The following TUBB6 variants were observed in gnomAD, a reference collection of about 807,000 sequenced individuals.
TUBB6 encodes tubulin beta 6 class V.
A neutral mutation model predicts 32.3 loss-of-function variants in TUBB6; 18 were observed. The observed-to-expected ratio is 0.56, with a 90% CI of 0.39 to 0.83. The LOEUF is 0.83. Among genes scored for constraint, TUBB6 ranks in the 40% least tolerant of loss-of-function variants. The pLI, the probability that TUBB6 is intolerant of heterozygous loss-of-function variation, is 0.00. For missense variants in TUBB6, 480 were observed against 632.0 expected (o/e 0.76, Z 2.58); for synonymous variants, 280 against 265.8 (o/e 1.05, Z -0.52).
At chr18:12,309,200 G>A (rs1026552497) in intron 2 of TUBB6, among the ~76,000 whole-genome samples, 1 of 63,352 alleles carries the variant, frequency 1.6e-5, no homozygotes, top group Non-Finnish European at 3.1e-5. Context: ...CTCCCGCCCC[G>A]ATCTCTACAA....
rs748329378 is a variant in TUBB6 at position 12,325,674 on chromosome 18, C to G, written c.885C>G (p.Asp295Glu). ...TVPELTQQMF[D>E]ARNMMAACDP... Reference sequence around the variant, plus strand: ...CCGAGCTCACCCAGCAGATGTTCGACGCCAGGAACATGATGGCCGCCTGCG... The same window carrying G: ...CCGAGCTCACCCAGCAGATGTTCGAGGCCAGGAACATGATGGCCGCCTGCG... Residue 295 changes from aspartate to glutamate, a missense_variant, in exon 4 of 4, where the codon GAC becomes GAG. By Grantham distance (45) the Asp-to-Glu change is conservative. Coordinates refer to ENST00000317702, the MANE Select transcript of TUBB6 (RefSeq NM_032525.3). 5.0e-6 allele frequency: 8 copies of G among 1,613,986 alleles called. No individual in the cohort carries two copies. Among genetic ancestry groups the G allele is most frequent in the Admixed American group, 1.7e-5 (1 of 59,994 alleles).
intron 3 of TUBB6, among the ~76,000 whole-genome samples, chr18:12,311,368 C>T (rs981820122): frequency 4.6e-5 from 7 of 152,120 alleles, no homozygotes; most frequent in Non-Finnish European, 7.4e-5. Context: ...GAGGCCAAGA[C>T]GAGCGGATCA....
chr18:12,311,279 CTTCTACTGGTAG>C, intron 3 of TUBB6: 1 of 399,674 alleles, frequency 2.5e-6, no homozygotes, highest in Non-Finnish European at 4.5e-6. Context: ...AAATGAAATT[CTTCTACTGGTAG>C]TTCTTGATTA....
At chr18:12,308,986 C>T (rs1462958716) in intron 2 of TUBB6, among the ~76,000 whole-genome samples, 191 bp downstream of exon 2, 2 of 152,202 alleles carry the variant, frequency 1.3e-5, no homozygotes, top group Non-Finnish European at 2.9e-5. Flanking sequence ...TTCAGCCTAT[C>T]CTGAGGGTCT....
At position 12,326,106 on chromosome 18, in the gene TUBB6, T is replaced by C. The variant is rs774957808; in HGVS notation, c.1317T>C (p.Asp439=). The stretch of plus-strand genomic sequence containing the variant: ...ATGACGGGGAGGAAGCTTTTGAGGA[T>C]GAGGAAGAGGAGATCGATGGATAGT... ...TANDGEEAFE[D]EEEEIDG Residue 439 remains aspartate, a synonymous_variant, in exon 4 of 4, where the codon GAT becomes GAC. Coordinates refer to ENST00000317702, the MANE Select transcript of TUBB6 (RefSeq NM_032525.3). The C allele has an allele frequency of 4.6e-5, 74 of 1,613,658 alleles. No homozygotes were observed. Among genetic ancestry groups the C allele is most frequent in the Non-Finnish European group, 6.1e-5 (72 of 1,179,850 alleles).
rs1568127765 is a variant in TUBB6, at chr18:12,325,541, G to A, written c.752G>A (p.Arg251His). 1.9e-6 allele frequency: 3 copies of A among 1,614,194 alleles called. No homozygotes were observed. The highest frequency in any genetic ancestry group is 1.7e-6 in the Non-Finnish European group (2 of 1,180,042). ...CCGGGCCAGCTCAATGCTGACCTGC[G>A]CAAGCTGGCGGTGAACATGGTGCCC... is the stretch of plus-strand genomic sequence containing the variant. ...RFPGQLNADL[R>H]KLAVNMVPFP... The change falls in exon 4 of 4, where the codon CGC becomes CAC. Residue 251 changes from arginine to histidine, a missense_variant. By Grantham distance (29) the Arg-to-His change is conservative. Transcript: ENST00000317702.
intron 3 of TUBB6, among the ~76,000 whole-genome samples, chr18:12,323,256 C>T (rs1210647483): frequency 1.3e-5 from 2 of 152,060 alleles, no homozygotes; most frequent in African/African-American, 4.8e-5. Context: ...GTATGAAAGC[C>T]ATTGCATTAT....
chr18:12,308,262 AGCCAGTTC>A lies in TUBB6; in HGVS notation c.-30_-23del. The A allele has an allele frequency of 7.1e-7, 1 of 1,412,830 alleles. No individual in the cohort carries two copies. 87.5% of individuals were successfully genotyped at this position (1,412,830 alleles called of 1,614,324 possible). ...CCGCAGTTGCCGCTGTCGTCCGCAG[AGCCAGTTC>A]CTAGCGCAGAGCCGCGCCCGCCATG... is the stretch of plus-strand genomic sequence containing the variant. On this transcript the variant is annotated 5_prime_UTR_variant, in exon 1 of 4. Coordinates refer to ENST00000317702, the MANE Select transcript of TUBB6 (RefSeq NM_032525.3).
At chr18:12,329,824 A>T (rs933504920), downstream of TUBB6, 3 of 1,532,574 alleles carry the variant, frequency 2.0e-6, no homozygotes, top group Non-Finnish European at 2.7e-6. Context: ...GTTACTCAGC[A>T]AAGTCTATTC....
intron 3 of TUBB6, among the ~76,000 whole-genome samples, chr18:12,321,202 TTA>T (rs2045717261): frequency 6.6e-6 from 1 of 152,234 alleles, no homozygotes; most frequent in South Asian, 2.1e-4. Context: ...AGGGTATCCT[TTA>T]TATGTGATAT....
chr18:12,312,582 G>C (rs746681244), intron 3 of TUBB6, among the ~76,000 whole-genome samples: 10 of 152,110 alleles, frequency 6.6e-5, no homozygotes, highest in Non-Finnish European at 1.5e-4. Flanking sequence ...AACATCCCAG[G>C]AATGCAAGGA....
chr18:12,328,977 T>C (rs1431736034), downstream of TUBB6: 17 of 575,860 alleles, frequency 3.0e-5, no homozygotes, highest in Non-Finnish European at 4.9e-5. Flanking sequence ...GACATTTTAT[T>C]TTTTATGTAA....
intron 3 of TUBB6, among the ~76,000 whole-genome samples, chr18:12,320,023 C>T (rs897809723): frequency 1.8e-4 from 27 of 152,024 alleles, no homozygotes; most frequent in African/African-American, 5.8e-4. Flanking sequence ...CTCCTGACCT[C>T]GTGATCCACC....
chr18:12,323,947 T>C (rs1002346239), intron 3 of TUBB6, among the ~76,000 whole-genome samples: 7 of 152,244 alleles, frequency 4.6e-5, no homozygotes, highest in Non-Finnish European at 7.3e-5. Flanking sequence ...AGGGCAGGAA[T>C]TACTTCCTGT....
At position 12,326,006 on chromosome 18, in the gene TUBB6, T is replaced by TG. The variant is rs754383853; in HGVS notation, c.1219dup (p.Glu407GlyfsTer26). The TG allele has an allele frequency of 1.9e-6, 3 of 1,613,934 alleles. No individual in the cohort carries two copies. The highest frequency in any genetic ancestry group is 1.3e-5 in the African/African-American group (1 of 74,896). ...TTCACGGGTGAGGGCATGGATGAAATGGAGTTCACCGAGGCGGAGAGCAAC... is the reference window on the plus strand; with the variant it reads ...TTCACGGGTGAGGGCATGGATGAAATGGGAGTTCACCGAGGCGGAGAGCAAC... On this transcript the variant is annotated frameshift_variant, in exon 4 of 4. Coordinates refer to ENST00000317702, the MANE Select transcript of TUBB6 (RefSeq NM_032525.3). LOFTEE classifies it high-confidence loss of function.
In TUBB6 at chr18:12,308,342, G is replaced by T; in HGVS notation, c.50G>T (p.Gly17Val). 6.8e-7 allele frequency: 1 copy of T among 1,476,560 alleles called. No homozygotes were observed. The highest frequency in any genetic ancestry group is 9.0e-7 in the Non-Finnish European group (1 of 1,109,426). 91.5% of individuals were successfully genotyped at this position (1,476,560 alleles called of 1,614,324 possible). The change falls in exon 1 of 4, where the codon GGC becomes GTC. Residue 17 changes from glycine to valine, a missense_variant. Transcript: ENST00000317702. ...IQAGQCGNQI[G>V]TKFWEVISDE... ...GCGGGCCAGTGCGGGAACCAGATCG[G>T]CACCAAGGTGGGCCTGGCGCGGTGC...
chr18:12,313,422 G>T (rs986645886), intron 3 of TUBB6, among the ~76,000 whole-genome samples: 1 of 152,150 alleles, frequency 6.6e-6, no homozygotes, highest in African/African-American at 2.4e-5. Flanking sequence ...ATAGTTTTGC[G>T]ATCAGGTTAC....
chr18:12,325,121 A>AGCTGGTGGACGCAGT lies in TUBB6; in HGVS notation c.338_352dup (p.Val113_Leu117dup). 1 of 1,604,238 alleles carries AGCTGGTGGACGCAGT rather than the reference A, an allele frequency of 6.2e-7. No individual in the cohort carries two copies. The highest frequency in any genetic ancestry group is 8.5e-7 in the Non-Finnish European group (1 of 1,173,784). On this transcript the variant is annotated inframe_insertion, in exon 4 of 4. Coordinates refer to ENST00000317702, the MANE Select transcript of TUBB6 (RefSeq NM_032525.3). ...AAAGGGCACTACACGGAGGGCGCGG[A>AGCTGGTGGACGCAGT]GCTGGTGGACGCAGTGCTGGACGTG...
chr18:12,325,944 C>G lies in TUBB6; in HGVS notation c.1155C>G (p.Phe385Leu), dbSNP rs746566101. The G allele has an allele frequency of 9.9e-6, 16 of 1,614,096 alleles. No individual in the cohort carries two copies. The highest frequency in any genetic ancestry group is 1.4e-5 in the Non-Finnish European group (16 of 1,180,048). Residue 385 changes from phenylalanine to leucine, a missense_variant, in exon 4 of 4, where the codon TTC becomes TTG. Phe to Leu is a conservative substitution (Grantham distance 22). Transcript: ENST00000317702. ...QELFKRISEQ[F>L]SAMFRRKAFL... ...TGTTCAAGCGCATCTCCGAGCAGTT[C>G]TCAGCCATGTTCCGGCGCAAGGCCT...
Sources: allele counts gnomAD v4.1 joint callset (sites outside exome capture counted in the v4.1 genomes callset), GRCh38; gene constraint gnomAD v4.1.1; transcripts MANE v1.5; gene names NCBI Gene and HGNC (gene_info 2026-07-23, HGNC 2026-07-21).